TEX11: variants seen among roughly 807,000 people sequenced by gnomAD.
TEX11 encodes testis-expressed protein 11.
TEX11 carries 7 observed loss-of-function variants against 84.4 expected under a neutral mutation model. The ratio of observed to expected loss-of-function variants is 0.08; its 90% CI spans 0.05 to 0.16. The LOEUF (loss-of-function observed/expected upper bound fraction) is 0.16. TEX11 is among the 10% of genes least tolerant of loss of function. TEX11 has a pLI of 1.00. For synonymous variants in TEX11, 264 were observed against 222.8 expected (o/e 1.18, Z -1.64); for missense variants, 551 against 660.5 (o/e 0.83, Z 1.82).
intron 15 of TEX11, among the ~76,000 whole-genome samples, chrX:70,675,602 CTT>C (rs2090064634): frequency 9.4e-6 from 1 of 106,032 alleles, no homozygotes; most frequent in Non-Finnish European, 1.9e-5. Flanking sequence ...TCTCGTTTCT[CTT>C]CTCTTCTCTT....
chrX:70,756,517 G>A (rs2090869003), intron 9 of TEX11, among the ~76,000 whole-genome samples: 1 of 112,021 alleles, frequency 8.9e-6, no homozygotes, highest in African/African-American at 3.2e-5. Flanking sequence ...CAACAGACCT[G>A]CAGCTGAGGG....
At chrX:70,844,807 C>A (rs762998244) in intron 7 of TEX11, among the ~76,000 whole-genome samples, 1 of 109,311 alleles carries the variant, frequency 9.1e-6, no homozygotes, top group Admixed American at 9.8e-5. Flanking sequence ...TGGTGGTGTG[C>A]GCCTGTAATC....
chrX:70,834,032 C>T (rs1250210954), intron 7 of TEX11, among the ~76,000 whole-genome samples: 1 of 110,854 alleles, frequency 9.0e-6, no homozygotes, highest in African/African-American at 3.3e-5. Context: ...CAAAAAGCAG[C>T]TTATCAATTA....
At chrX:70,625,561 T>C (rs781483846) in intron 18 of TEX11, among the ~76,000 whole-genome samples, 1 of 110,603 alleles carries the variant, frequency 9.0e-6, no homozygotes, top group South Asian at 3.9e-4. Context: ...TTGCTCTTCA[T>C]TGCCATTTTA....
At chrX:70,520,949 C>T in the TEX11 span, among the ~76,000 whole-genome samples, 13 of 112,329 alleles carry the variant, frequency 1.2e-4, no homozygotes, top group Non-Finnish European at 1.9e-4. Context: ...GAGCCAGGCA[C>T]GGGATATAAT....
intron 9 of TEX11, among the ~76,000 whole-genome samples, chrX:70,750,921 TAAAAAAA>T (rs1181422597): frequency 2.8e-5 from 1 of 35,369 alleles, no homozygotes; most frequent in African/African-American, 9.8e-5. Context: ...TAAAGTATAA[TAAAAAAA>T]AAAAAATATA....
intron 2 of TEX11, among the ~76,000 whole-genome samples, chrX:70,906,480 GTTA>G (rs1465652173): frequency 9.1e-6 from 1 of 110,397 alleles, no homozygotes; most frequent in Non-Finnish European, 1.9e-5. Flanking sequence ...AGGCTTTATT[GTTA>G]TTGTTTTAAA....
At chrX:70,816,191 T>C (rs5936994) in intron 8 of TEX11, among the ~76,000 whole-genome samples, 28,985 of 110,648 alleles carry the variant, frequency 0.26, 3,247 homozygotes, top group East Asian at 0.42. Flanking sequence ...TGGTTTTCCA[T>C]TCCTGAGTTA....
chrX:70,761,867 A>G (rs1191043899), intron 9 of TEX11, among the ~76,000 whole-genome samples: 2 of 111,371 alleles, frequency 1.8e-5, no homozygotes, highest in Non-Finnish European at 3.8e-5. Flanking sequence ...TTAAAAATCA[A>G]ACTCCTAAAG....
chrX:70,522,842 C>T, the TEX11 span, among the ~76,000 whole-genome samples: 10 of 110,243 alleles, frequency 9.1e-5, no homozygotes, highest in East Asian at 2.0e-3. Context: ...CGCGCCTGGC[C>T]GACAGAGGGT....
intron 3 of TEX11, 61 bp downstream of exon 3, chrX:70,879,927 A>G: frequency 9.9e-7 from 1 of 1,008,629 alleles, no homozygotes; most frequent in South Asian, 2.5e-5. Context: ...CCTATATAAT[A>G]CATTGGTTAA....
At chrX:70,800,696 T>C (rs1169698768) in intron 9 of TEX11, among the ~76,000 whole-genome samples, 35 of 95,511 alleles carry the variant, frequency 3.7e-4, no homozygotes, top group Middle Eastern at 5.0e-3. Context: ...GCTTTTTTTT[T>C]TTTTTTTTTT....
chrX:70,596,398 A>G (rs2089007562), intron 24 of TEX11, among the ~76,000 whole-genome samples: 1 of 111,544 alleles, frequency 9.0e-6, no homozygotes, highest in Non-Finnish European at 1.9e-5. Flanking sequence ...CATAACACAA[A>G]CTTCAAATAA....
chrX:70,843,919 C>A (rs1187186518), intron 7 of TEX11, among the ~76,000 whole-genome samples: 1 of 111,668 alleles, frequency 9.0e-6, no homozygotes, highest in African/African-American at 3.3e-5. Context: ...GAGATACCAT[C>A]TCACACCAGT....
the TEX11 span, among the ~76,000 whole-genome samples, chrX:70,515,965 GTTGT>G: frequency 1.2e-4 from 14 of 112,158 alleles, no homozygotes; most frequent in Admixed American, 1.9e-4. Context: ...TGTTGATGGA[GTTGT>G]TTGATTTTTT....
intron 9 of TEX11, among the ~76,000 whole-genome samples, chrX:70,765,383 G>A (rs995112882): frequency 3.5e-4 from 39 of 111,416 alleles, no homozygotes; most frequent in African/African-American, 2.9e-4. Context: ...GACAGAGCAA[G>A]ACTTTGTCTC....
chrX:70,612,041 G>A lies in TEX11; in HGVS notation c.1752-1498C>T, dbSNP rs768202819. Among the ~76,000 whole-genome samples, 7 of 110,450 alleles carry A rather than the reference G, an allele frequency of 6.3e-5. No homozygotes were observed. In the East Asian group the frequency reaches 2.0e-3, roughly 32 times the overall value. ...TTCCAGCTACTCTGGAGACTGAGGT[G>A]TGAGGATCACTTGGGCCTGGGTGGG... On this transcript the variant is annotated intron_variant, in intron 20 of 29. Coordinates refer to ENST00000374333, the MANE Select transcript of TEX11 (RefSeq NM_031276.3).
At chrX:70,582,260 A>T (rs1402716518) in intron 25 of TEX11, among the ~76,000 whole-genome samples, 1 of 111,881 alleles carries the variant, frequency 8.9e-6, no homozygotes, top group Non-Finnish European at 1.9e-5. Flanking sequence ...ACTGCCCCTG[A>T]AAAACTACAC....
rs192923840 is a variant in TEX11 at position 70,806,960 on chromosome X, A to G, written c.607-170T>C. Among the ~76,000 whole-genome samples, 444 of 112,589 alleles carry G rather than the reference A, an allele frequency of 3.9e-3. 1 individual carries two copies. The highest frequency in any genetic ancestry group is 6.5e-3 in the Admixed American group (69 of 10,609). On this transcript the variant is annotated intron_variant, in intron 8 of 29. Coordinates refer to ENST00000374333, the MANE Select transcript of TEX11 (RefSeq NM_031276.3). ...AACAAAAACATACTTAATGTGTCCT[A>G]TACATCAAAATAAGCTTCCTTATCA...
Sources: allele counts gnomAD v4.1 joint callset (sites outside exome capture counted in the v4.1 genomes callset), GRCh38; gene constraint gnomAD v4.1.1; transcripts MANE v1.5; gene names NCBI Gene and HGNC (gene_info 2026-07-23, HGNC 2026-07-21).